Variants in STPG2 observed in about 807,000 individuals in gnomAD.
STPG2 encodes sperm-tail PG-rich repeat-containing protein 2.
In STPG2, 56 loss-of-function variants were observed where a neutral mutation model predicts 54.2. The ratio of observed to expected loss-of-function variants is 1.03; its 90% CI spans 0.83 to 1.29. The LOEUF is 1.29. Among genes scored for constraint, STPG2 ranks in the 50% most tolerant of loss-of-function variants. The pLI is 0.00. For synonymous variants in STPG2, 200 were observed against 181.8 expected (o/e 1.10, Z -0.81); for missense variants, 596 against 544.9 (o/e 1.09, Z -0.93).
At chr4:98,018,261 T>G (rs551601480) in intron 5 of STPG2, among the ~76,000 whole-genome samples, 84 of 151,718 alleles carry the variant, frequency 5.5e-4, no homozygotes, top group African/African-American at 1.9e-3. Context: ...AGGGAGAACA[T>G]GCGGTGTTTG....
In STPG2 at chr4:97,660,244, G is replaced by T. The variant is rs547162717; in HGVS notation, c.1320+52455C>A. On this transcript the variant is annotated intron_variant, in intron 10 of 10. Coordinates refer to ENST00000295268, the MANE Select transcript of STPG2 (RefSeq NM_174952.3). Reference sequence around the variant, plus strand: ...TCTCAATCTCCTCACCTCGCAATCCGCCCGCCTCGGCTTCCCGAAGTGCTG... The same window carrying T: ...TCTCAATCTCCTCACCTCGCAATCCTCCCGCCTCGGCTTCCCGAAGTGCTG... 9.2e-5 allele frequency among the ~76,000 whole-genome samples: 14 copies of T among 152,188 alleles called. 1 individual carries two copies. The highest frequency in any genetic ancestry group is 7.2e-4 in the Admixed American group (11 of 15,286).
At chr4:98,070,985 T>A (rs1311886286) in intron 5 of STPG2, among the ~76,000 whole-genome samples, 1 of 152,146 alleles carries the variant, frequency 6.6e-6, no homozygotes, top group Non-Finnish European at 1.5e-5. Flanking sequence ...ACCATTTACA[T>A]GTTTAGGGGC....
At chr4:97,602,948 T>G (rs1176046246) in intron 10 of STPG2, among the ~76,000 whole-genome samples, 2 of 151,748 alleles carry the variant, frequency 1.3e-5, no homozygotes, top group African/African-American at 4.8e-5. Flanking sequence ...GTTACATTTC[T>G]GGCTGGTTTA....
chr4:97,607,958 T>G (rs1269501702), intron 10 of STPG2, among the ~76,000 whole-genome samples: 1 of 151,994 alleles, frequency 6.6e-6, no homozygotes, highest in East Asian at 1.9e-4. Flanking sequence ...GCCAACTAAT[T>G]ATTCAATACA....
intron 3 of STPG2, among the ~76,000 whole-genome samples, chr4:98,122,656 C>G (rs775482430): frequency 9.2e-5 from 14 of 152,086 alleles, no homozygotes; most frequent in Non-Finnish European, 2.1e-4. Context: ...TTTGTTATCT[C>G]TCTGCCAGGT....
chr4:98,088,941 C>G (rs1738605268), intron 5 of STPG2, among the ~76,000 whole-genome samples: 1 of 152,184 alleles, frequency 6.6e-6, no homozygotes. Context: ...TTGGATCCCA[C>G]TTTTATTAAC....
At chr4:97,733,602 C>T (rs1230974510) in intron 9 of STPG2, among the ~76,000 whole-genome samples, 3 of 151,770 alleles carry the variant, frequency 2.0e-5, no homozygotes, top group African/African-American at 7.3e-5. Flanking sequence ...ATTAATTTAA[C>T]AAAATGTCTA....
intron 10 of STPG2, among the ~76,000 whole-genome samples, chr4:97,568,153 G>T (rs1001562816): frequency 1.3e-5 from 2 of 152,092 alleles, no homozygotes; most frequent in African/African-American, 4.8e-5. Flanking sequence ...AATGCCCAGC[G>T]TTTGAACATA....
chr4:98,057,697 T>C lies in STPG2; in HGVS notation c.612+48256A>G, dbSNP rs115620564. ...GAGGCCAATATTCAAATTTAGGAAA[T>C]GCAGAGAACCCCAGTAAGATATTCA... On this transcript the variant is annotated intron_variant, in intron 5 of 10. Transcript: ENST00000295268. 7.0e-3 allele frequency among the ~76,000 whole-genome samples: 1,064 copies of C among 152,214 alleles called. 11 individuals are homozygous for C. Among genetic ancestry groups the C allele is most frequent in the African/African-American group, 0.024 (1,008 of 41,558 alleles).
intron 5 of STPG2, among the ~76,000 whole-genome samples, chr4:97,985,271 A>G (rs1472183431): frequency 6.6e-6 from 1 of 152,168 alleles, no homozygotes; most frequent in Non-Finnish European, 1.5e-5. Flanking sequence ...TATATATATT[A>G]CTGTTTAGGC....
At chr4:97,818,832 T>A (rs953795499) in intron 9 of STPG2, among the ~76,000 whole-genome samples, 1 of 151,454 alleles carries the variant, frequency 6.6e-6, no homozygotes, top group Admixed American at 6.6e-5. Flanking sequence ...TAATAATCTG[T>A]GTACTATACA....
chr4:97,886,580 T>C (rs1020875240), intron 8 of STPG2, among the ~76,000 whole-genome samples: 1 of 152,212 alleles, frequency 6.6e-6, no homozygotes, highest in Non-Finnish European at 1.5e-5. Flanking sequence ...AACGTATGTT[T>C]CTGGAAGAAC....
At chr4:97,695,010 G>A (rs1043307317) in intron 10 of STPG2, among the ~76,000 whole-genome samples, 3 of 149,662 alleles carry the variant, frequency 2.0e-5, no homozygotes, top group African/African-American at 7.4e-5. Context: ...CACCCTAATA[G>A]CAAAACCATG....
At chr4:97,998,732 G>T (rs1315486724) in intron 5 of STPG2, among the ~76,000 whole-genome samples, 1 of 152,116 alleles carries the variant, frequency 6.6e-6, no homozygotes, top group Non-Finnish European at 1.5e-5. Context: ...TTTGTACCTG[G>T]TGTCAGTGAG....
In STPG2 at chr4:97,712,771, T is replaced by C. The variant is rs1365280872; in HGVS notation, c.1248A>G (p.Ile416Met). ...YNPVLRKSCP[I>M]PLFVKASKRF... is the part of the protein sequence containing the mutation. ...GCTTTGATGCTTTCACAAATAAGGGTATGGGGCAAGATTTCCTTAAAACAG... is the reference window on the plus strand; with the variant it reads ...GCTTTGATGCTTTCACAAATAAGGGCATGGGGCAAGATTTCCTTAAAACAG... The change falls in exon 10 of 11, where the codon ATA becomes ATG. Residue 416 changes from isoleucine to methionine, a missense_variant. By Grantham distance (10) the Ile-to-Met change is conservative. Transcript: ENST00000295268. 4 of 1,608,606 alleles carry C rather than the reference T, an allele frequency of 2.5e-6. No homozygotes were observed. The highest frequency in any genetic ancestry group is 3.4e-6 in the Non-Finnish European group (4 of 1,176,738).
intron 8 of STPG2, among the ~76,000 whole-genome samples, chr4:97,938,023 A>T (rs933124110): frequency 5.9e-5 from 9 of 152,032 alleles, no homozygotes; most frequent in Admixed American, 5.9e-4. Flanking sequence ...GACCATGGCC[A>T]CCCCTTCCCC....
intron 4 of STPG2, among the ~76,000 whole-genome samples, chr4:97,455,957 G>A (rs1188065595): frequency 2.6e-5 from 4 of 152,150 alleles, no homozygotes; most frequent in Admixed American, 6.5e-5. Flanking sequence ...CACACCCCGC[G>A]AGGGGAACAA....
At chr4:97,679,070 G>A (rs1353513336) in intron 10 of STPG2, among the ~76,000 whole-genome samples, 7 of 152,050 alleles carry the variant, frequency 4.6e-5, no homozygotes, top group Admixed American at 6.6e-5. Flanking sequence ...ATTGTGAATA[G>A]TGCTGCAATA....
At chr4:98,060,286 C>A (rs1033174887) in intron 5 of STPG2, among the ~76,000 whole-genome samples, 14 of 152,114 alleles carry the variant, frequency 9.2e-5, no homozygotes, top group Middle Eastern at 3.4e-3. Context: ...GCCAAACCAA[C>A]AGCCAAATCA....
Sources: allele counts gnomAD v4.1 joint callset (sites outside exome capture counted in the v4.1 genomes callset), GRCh38; gene constraint gnomAD v4.1.1; transcripts MANE v1.5; gene names NCBI Gene and HGNC (gene_info 2026-07-23, HGNC 2026-07-21).